SH3RF1: variants seen among roughly 807,000 people sequenced by gnomAD.
SH3RF1 encodes SH3 domain containing ring finger 1.
In SH3RF1, 32 loss-of-function variants were observed where a neutral mutation model predicts 74.0. The observed-to-expected ratio is 0.43, with a 90% CI of 0.33 to 0.58. The LOEUF is 0.58. Ranked by LOEUF, SH3RF1 falls within the 20% of genes least tolerant of loss-of-function variation. SH3RF1 has a pLI of 0.05. For missense variants in SH3RF1, 954 were observed against 1,130.9 expected (o/e 0.84, Z 2.24); for synonymous variants, 396 against 439.6 (o/e 0.90, Z 1.24).
intron 6 of SH3RF1, among the ~76,000 whole-genome samples, chr4:169,123,331 C>G (rs565815550): frequency 1.6e-4 from 24 of 152,220 alleles, no homozygotes; most frequent in Non-Finnish European, 2.1e-4. Flanking sequence ...AGAAACATAA[C>G]GAACTGAGTG....
chr4:169,150,320 CAGAA>C (rs1733955096), intron 4 of SH3RF1, among the ~76,000 whole-genome samples: 1 of 152,182 alleles, frequency 6.6e-6, no homozygotes, highest in South Asian at 2.1e-4. Flanking sequence ...AAATTCATCT[CAGAA>C]AGAATCAGTG....
intron 2 of SH3RF1, among the ~76,000 whole-genome samples, chr4:169,222,999 C>T (rs572181644): frequency 6.6e-6 from 1 of 152,310 alleles, no homozygotes; most frequent in Non-Finnish European, 1.5e-5. Context: ...GTTTGCCCAG[C>T]TGCAGCTCTT....
chr4:169,099,474 G>A (rs532359130), intron 11 of SH3RF1, among the ~76,000 whole-genome samples: 1 of 152,286 alleles, frequency 6.6e-6, no homozygotes, highest in African/African-American at 2.4e-5. Context: ...CAAGTCTAAT[G>A]TCAACATGCT....
chr4:169,163,288 C>A (rs1278049795), intron 2 of SH3RF1, among the ~76,000 whole-genome samples: 1 of 151,040 alleles, frequency 6.6e-6, no homozygotes, highest in East Asian at 1.9e-4. Flanking sequence ...CGAAAAAATG[C>A]TATTAGACTC....
At chr4:169,264,128 G>C (rs1404387788) in intron 2 of SH3RF1, among the ~76,000 whole-genome samples, 1 of 152,206 alleles carries the variant, frequency 6.6e-6, no homozygotes, top group African/African-American at 2.4e-5. Flanking sequence ...ACATCCAAGG[G>C]CACAGACTGG....
At chr4:169,215,616 T>C (rs892022441) in intron 2 of SH3RF1, among the ~76,000 whole-genome samples, 1 of 152,226 alleles carries the variant, frequency 6.6e-6, no homozygotes. Flanking sequence ...ATCTCTTTAA[T>C]AAATATAGAC....
At chr4:169,201,716 A>C (rs1734912015) in intron 2 of SH3RF1, 1 of 152,234 alleles carries the variant, frequency 6.6e-6, no homozygotes, top group South Asian at 2.1e-4. Context: ...AGTCACAGAG[A>C]AAACACTATT....
intron 2 of SH3RF1, among the ~76,000 whole-genome samples, chr4:169,190,737 C>T (rs1475197800): frequency 1.3e-5 from 2 of 152,074 alleles, no homozygotes; most frequent in Non-Finnish European, 2.9e-5. Context: ...CCAGCATCAC[C>T]CTAATACCAA....
chr4:169,229,674 G>A (rs925689922), intron 2 of SH3RF1, among the ~76,000 whole-genome samples: 3 of 152,082 alleles, frequency 2.0e-5, no homozygotes, highest in African/African-American at 4.8e-5. Context: ...TACTAATGTA[G>A]AGCATATCTC....
Position 169,155,530 on chromosome 4 carries a change from C to T in SH3RF1, c.715G>A (p.Glu239Lys). 1 of 1,613,726 alleles carries T rather than the reference C, an allele frequency of 6.2e-7. No homozygotes were observed. The highest frequency in any genetic ancestry group is 2.2e-5 in the East Asian group (1 of 44,860). ...CCTATTTTGTCTGCCAGCATTCCTT[C>T]AGCCCAGTTTTCATCCACTCTTCGG... The part of the protein sequence containing the change: ...VIRRVDENWA[E>K]GMLADKIGIF... The change falls in exon 4 of 12, where the codon GAA becomes AAA. Residue 239 changes from glutamate (E) to lysine (K), a missense_variant. Glu to Lys is a moderately conservative substitution (Grantham distance 56, BLOSUM62 1). Coordinates refer to ENST00000284637, the MANE Select transcript of SH3RF1 (RefSeq NM_020870.4).
intron 2 of SH3RF1, among the ~76,000 whole-genome samples, chr4:169,158,065 G>A (rs1437335298): frequency 2.6e-5 from 4 of 152,182 alleles, no homozygotes; most frequent in Non-Finnish European, 2.9e-5. Context: ...ACCACGCAAT[G>A]TGCAAGTGCT....
In SH3RF1 at chr4:169,156,498, T is replaced by A. The variant is rs145883162; in HGVS notation, c.575A>T (p.Lys192Ile). 7 of 1,613,968 alleles carry A rather than the reference T, an allele frequency of 4.3e-6. No individual in the cohort carries two copies. The highest frequency in any genetic ancestry group is 5.9e-6 in the Non-Finnish European group (7 of 1,179,968). The part of the protein sequence containing the change: ...FFPTNFVQII[K>I]PLPQPPPQCK... ...CTGAGGTGGGGGCTGAGGTAACGGT[T>A]TAATAATCTGCACAAAGTTGGTGGG... Residue 192 changes from lysine (K) to isoleucine (I), a missense_variant, in exon 3 of 12, where the codon AAA becomes ATA. Lys to Ile is a moderately radical substitution (Grantham distance 102). Coordinates refer to ENST00000284637, the MANE Select transcript of SH3RF1 (RefSeq NM_020870.4).
chr4:169,120,349 A>G (rs1418101783), intron 8 of SH3RF1, among the ~76,000 whole-genome samples: 1 of 152,252 alleles, frequency 6.6e-6, no homozygotes, highest in Non-Finnish European at 1.5e-5. Context: ...CTTCTTCACT[A>G]TGTGATCTCA....
chr4:169,245,200 T>C (rs373300676), intron 2 of SH3RF1, among the ~76,000 whole-genome samples: 4 of 152,328 alleles, frequency 2.6e-5, no homozygotes, highest in African/African-American at 4.8e-5. Context: ...ACTTATTAAA[T>C]ACAACTTTAA....
chr4:169,113,598 TA>T (rs1467274299), intron 10 of SH3RF1, among the ~76,000 whole-genome samples: 1 of 152,162 alleles, frequency 6.6e-6, no homozygotes, highest in Non-Finnish European at 1.5e-5. Flanking sequence ...GAGGATGATG[TA>T]AAAGGCAGGT....
Position 169,116,322 on chromosome 4 carries a change from C to A in SH3RF1, c.2086G>T (p.Ala696Ser). 6.2e-7 allele frequency: 1 copy of A among 1,613,902 alleles called. No homozygotes were observed. The highest frequency in any genetic ancestry group is 1.7e-5 in the Admixed American group (1 of 60,012). Residue 696 changes from alanine (A) to serine (S), a missense_variant, in exon 10 of 12, where the codon GCT becomes TCT. By Grantham distance (99) the Ala-to-Ser change is moderately conservative. Around this residue, in one of 3 missense-constraint regions of SH3RF1, gnomAD observed 854 missense variants for 962.5 expected, o/e 0.89. Transcript: ENST00000284637. ...GAACTGTTCCCACAAGCTGATGAAG[C>A]ACTGTCAGGAGATGTGGGGAGTCCA... Reference protein sequence around the residue: ...LPGLPTSPDSASSACGNSSAT... With the variant: ...LPGLPTSPDSSSSACGNSSAT...
chr4:169,220,693 C>T (rs2127001415), intron 2 of SH3RF1, among the ~76,000 whole-genome samples: 1 of 152,300 alleles, frequency 6.6e-6, no homozygotes, highest in Admixed American at 6.5e-5. Context: ...AAACAACTGA[C>T]CCGCAAACTC....
chr4:169,249,278 C>T (rs1382198645), intron 2 of SH3RF1, among the ~76,000 whole-genome samples: 1 of 152,154 alleles, frequency 6.6e-6, no homozygotes, highest in Admixed American at 6.5e-5. Flanking sequence ...GAGGGCTCCT[C>T]CCATGTGAAT....
intron 2 of SH3RF1, among the ~76,000 whole-genome samples, chr4:169,212,464 G>A (rs1016696513): frequency 6.6e-6 from 1 of 152,048 alleles, no homozygotes; most frequent in African/African-American, 2.4e-5. Context: ...AATAATCCCA[G>A]GACTTTTTAA....
Sources: allele counts gnomAD v4.1 joint callset (sites outside exome capture counted in the v4.1 genomes callset), GRCh38; gene constraint gnomAD v4.1.1; regional missense constraint gnomAD v4.1.1; transcripts MANE v1.5; gene names NCBI Gene and HGNC (gene_info 2026-07-23, HGNC 2026-07-21).